The following DAPK2 variants were observed in gnomAD, a reference collection of about 807,000 sequenced individuals.
DAPK2 encodes death-associated protein kinase 2.
Under a neutral mutation model 44.1 loss-of-function variants are expected in DAPK2, and 35 were observed. The observed-to-expected ratio is 0.79, with a 90% CI of 0.61 to 1.05. The LOEUF (loss-of-function observed/expected upper bound fraction) is 1.05. DAPK2 is among the 50% of genes least tolerant of loss of function. The pLI is 0.00. For missense variants in DAPK2, 453 were observed against 483.2 expected, an observed-to-expected ratio of 0.94 and a Z score of 0.59; for synonymous variants, 174 against 182.6, an observed-to-expected ratio of 0.95 and a Z score of 0.38.
At chr15:63,971,428 G>A in exon 3 of DAPK2, 1 of 1,614,176 alleles carries the variant, frequency 6.2e-7, no homozygotes, top group Non-Finnish European at 8.5e-7. Context: ...CTGACCTTGA[G>A]ATCAAAGTGA....
chr15:63,996,540 T>C (rs890010108), intron 1 of DAPK2, among the ~76,000 whole-genome samples: 1 of 152,266 alleles, frequency 6.6e-6, no homozygotes, highest in African/African-American at 2.4e-5. Flanking sequence ...ATCTGGCTTT[T>C]GATCTTCCAC....
chr15:63,958,088 T>G (rs991738062), intron 3 of DAPK2, among the ~76,000 whole-genome samples: 2 of 152,222 alleles, frequency 1.3e-5, no homozygotes, highest in African/African-American at 4.8e-5. Flanking sequence ...GGTTTTGATT[T>G]GCATTTCTCT....
chr15:63,995,900 G>A (rs1188570844), intron 1 of DAPK2, among the ~76,000 whole-genome samples: 1 of 152,240 alleles, frequency 6.6e-6, no homozygotes, highest in African/African-American at 2.4e-5. Flanking sequence ...CATGTGTGTA[G>A]TGTCCTTTAC....
rs950627360 is a variant in DAPK2, at chr15:64,020,740, G to C, written c.92+19430C>G. ...CAGCAGGCCTCTAAAGAAAGTCCCT[G>C]TTCCCAAAAGCACCTCAGGTACTAG... On this transcript the variant is annotated intron_variant, in intron 1 of 10. Transcript: ENST00000261891. The surrounding 1 kb of genome is among the most constrained non-coding windows in gnomAD (Gnocchi z 4.5). Among the ~76,000 whole-genome samples the C allele has an allele frequency of 3.3e-5, 5 of 152,176 alleles. No homozygotes were observed. The highest frequency in any genetic ancestry group is 4.8e-5 in the African/African-American group (2 of 41,444).
At chr15:63,958,881 T>C (rs1056792475) in intron 3 of DAPK2, among the ~76,000 whole-genome samples, 1 of 152,236 alleles carries the variant, frequency 6.6e-6, no homozygotes, top group Non-Finnish European at 1.5e-5. Flanking sequence ...TTTTTTCCAA[T>C]TCTGTGAAGA....
intron 8 of DAPK2, among the ~76,000 whole-genome samples, chr15:63,915,099 T>A (rs554082153): frequency 1.3e-4 from 20 of 152,250 alleles, no homozygotes; most frequent in Non-Finnish European, 2.5e-4. Flanking sequence ...ATCTCTAGAT[T>A]ACTTATAATA....
rs955307346 is a variant in DAPK2 at position 64,036,329 on chromosome 15, A to G, written c.92+3841T>C. ...TGTGTGTATATATATGTATATATAT[A>G]TATATATACATATATATATATATAT... On this transcript the variant is annotated intron_variant, in intron 1 of 10. Transcript: ENST00000261891. Among the ~76,000 whole-genome samples, 171 of 123,244 alleles carry G rather than the reference A, an allele frequency of 1.4e-3. 5 individuals carry two copies. The highest frequency in any genetic ancestry group is 4.1e-3 in the African/African-American group (151 of 36,872). 80.9% of individuals were successfully genotyped at this position (123,244 alleles called of 152,430 possible).
chr15:63,910,914 A>G (rs1046161380), intron 10 of DAPK2: 1 of 152,252 alleles, frequency 6.6e-6, no homozygotes, highest in African/African-American at 2.4e-5. Context: ...CTTACATGCC[A>G]GGCTTTAAGA....
rs541892987 is a variant in DAPK2, at chr15:64,038,876, CAA to C, written c.92+1292_92+1293del. Among the ~76,000 whole-genome samples, 452 of 152,278 alleles carry C rather than the reference CAA, an allele frequency of 3.0e-3. 4 individuals carry two copies. The highest frequency in any genetic ancestry group is 9.7e-3 in the Admixed American group (149 of 15,298). The stretch of plus-strand genomic sequence containing the variant: ...GGGCAAACCTGCCTCCCATTCTATT[CAA>C]AGTCACCCCTCTGCTCACTGAGATA... On this transcript the variant is annotated intron_variant, in intron 1 of 10. Transcript: ENST00000261891.
chr15:63,929,548 C>T lies in DAPK2; in HGVS notation c.659+3G>A. 2.5e-6 allele frequency: 4 copies of T among 1,614,176 alleles called. No individual in the cohort carries two copies. Among genetic ancestry groups the T allele is most frequent in the Non-Finnish European group, 3.4e-6 (4 of 1,180,010 alleles). ...CCAGAGCCCCTGGATCAGGGATACTCACAGGATGTAGGTGATGACGCCTAT... is the reference window on the plus strand; with the variant it reads ...CCAGAGCCCCTGGATCAGGGATACTTACAGGATGTAGGTGATGACGCCTAT... On this transcript the variant is annotated splice_donor_region_variant and intron_variant, in intron 6 of 10. Transcript: ENST00000261891.
intron 1 of DAPK2, among the ~76,000 whole-genome samples, chr15:64,005,116 C>T (rs2079190068): frequency 6.6e-6 from 1 of 152,080 alleles, no homozygotes; most frequent in Admixed American, 6.6e-5. Flanking sequence ...GCCCCCACTT[C>T]AGGGTGCAAG....
At chr15:63,964,060 T>C (rs2140664209) in intron 3 of DAPK2, among the ~76,000 whole-genome samples, 1 of 152,368 alleles carries the variant, frequency 6.6e-6, no homozygotes, top group East Asian at 1.9e-4. Flanking sequence ...CACCTTCAGA[T>C]GGTTTCTTAT....
intron 1 of DAPK2, among the ~76,000 whole-genome samples, chr15:64,010,057 A>T (rs1877446705): frequency 6.6e-6 from 1 of 152,216 alleles, no homozygotes; most frequent in African/African-American, 2.4e-5. Flanking sequence ...GTAGCACCTG[A>T]TGGTATAAAC....
chr15:64,005,310 T>C (rs1482611431), intron 1 of DAPK2, among the ~76,000 whole-genome samples: 1 of 151,688 alleles, frequency 6.6e-6, no homozygotes, highest in Non-Finnish European at 1.5e-5. Flanking sequence ...AACCCTTTGA[T>C]TCACTTTCAG....
At chr15:63,997,211 A>G (rs1305907025) in intron 1 of DAPK2, among the ~76,000 whole-genome samples, 1 of 152,210 alleles carries the variant, frequency 6.6e-6, no homozygotes, top group Admixed American at 6.5e-5. Flanking sequence ...GCTCTAAGCC[A>G]TTACAGGCTT....
At chr15:63,940,904 T>C (rs1360327784) in intron 3 of DAPK2, among the ~76,000 whole-genome samples, 1 of 152,122 alleles carries the variant, frequency 6.6e-6, no homozygotes, top group Non-Finnish European at 1.5e-5. Context: ...AGTAGATTAG[T>C]AGTCCCCTAG....
At chr15:63,951,970 T>A (rs2077600153) in intron 3 of DAPK2, among the ~76,000 whole-genome samples, 1 of 152,232 alleles carries the variant, frequency 6.6e-6, no homozygotes, top group Non-Finnish European at 1.5e-5. Flanking sequence ...CCAGGCGTGC[T>A]GGCTCATGCC....
At chr15:64,033,305 G>GAAGGAAGGAAGGAAGGAAGGAAGGAAGT in intron 1 of DAPK2, among the ~76,000 whole-genome samples, 1 of 139,830 alleles carries the variant, frequency 7.2e-6, no homozygotes, top group Non-Finnish European at 1.6e-5. Flanking sequence ...AGGAAGGAAG[G>GAAGGAAGGAAGGAAGGAAGGAAGGAAGT]AAGGAAGGAA....
chr15:64,011,610 A>C (rs2079391880), intron 1 of DAPK2, among the ~76,000 whole-genome samples: 1 of 152,220 alleles, frequency 6.6e-6, no homozygotes, highest in Admixed American at 6.5e-5. Flanking sequence ...AAAATGTTCT[A>C]TATCTGTGCT....
Sources: allele counts gnomAD v4.1 joint callset (sites outside exome capture counted in the v4.1 genomes callset), GRCh38; gene constraint gnomAD v4.1.1; non-coding constraint Gnocchi (gnomAD v3.1); transcripts MANE v1.5; gene names NCBI Gene and HGNC (gene_info 2026-07-23, HGNC 2026-07-21).